Variants in MEF2C observed in about 807,000 individuals in gnomAD.
The protein encoded by MEF2C is myocyte enhancer factor 2C.
A neutral mutation model predicts 50.5 loss-of-function variants in MEF2C; 6 were observed. The observed-to-expected ratio is 0.12, with a 90% confidence interval of 0.07 to 0.23. MEF2C has a LOEUF of 0.23. Ranked by LOEUF, MEF2C falls within the 10% of genes least tolerant of loss-of-function variation. The pLI is 1.00. For synonymous variants in MEF2C, 183 were observed against 228.0 expected (o/e 0.80, Z 1.78); for missense variants, 276 against 605.0 (o/e 0.46, Z 5.70).
Position 88,861,797 on chromosome 5 carries a change from AG to A in MEF2C, c.-143+21157del, listed in dbSNP as rs1186424548. On this transcript the variant is annotated intron_variant, in intron 1 of 10. Coordinates refer to ENST00000504921, the MANE Select transcript of MEF2C (RefSeq NM_002397.5). ...ATTTACTGACTTGCAAATCTCTAAT[AG>A]TATGCTAATTAAATTCAATGCTGTA... Among the ~76,000 whole-genome samples, 8 of 152,354 alleles carry A rather than the reference AG, an allele frequency of 5.3e-5. No individual in the cohort carries two copies. The East Asian group carries it at 1.5e-3, about 29-fold the overall frequency.
At chr5:88,852,687 A>T (rs1469923545) in intron 1 of MEF2C, among the ~76,000 whole-genome samples, 1 of 152,190 alleles carries the variant, frequency 6.6e-6, no homozygotes, top group Admixed American at 6.5e-5. Context: ...CCTGGCCAAC[A>T]TGGTGAAACC....
chr5:88,724,110 A>C (rs949455440), intron 10 of MEF2C, among the ~76,000 whole-genome samples: 10 of 152,188 alleles, frequency 6.6e-5, no homozygotes, highest in Non-Finnish European at 1.3e-4. Context: ...ACTCTCTTTT[A>C]CTGAGGAAGA....
chr5:88,789,789 A>G (rs1449091140), intron 3 of MEF2C, among the ~76,000 whole-genome samples: 1 of 152,172 alleles, frequency 6.6e-6, no homozygotes, highest in Non-Finnish European at 1.5e-5. Context: ...TAATATGCCA[A>G]ATAGCTATAA....
At chr5:88,758,147 C>G (rs1418194225) in intron 4 of MEF2C, among the ~76,000 whole-genome samples, 1 of 152,172 alleles carries the variant, frequency 6.6e-6, no homozygotes, top group African/African-American at 2.4e-5. Flanking sequence ...TGTAAATAAT[C>G]TCAAGCGCTT....
At chr5:88,828,463 G>A (rs1487486855) in intron 1 of MEF2C, among the ~76,000 whole-genome samples, 1 of 151,780 alleles carries the variant, frequency 6.6e-6, no homozygotes, top group Non-Finnish European at 1.5e-5. Flanking sequence ...ACTAACACTA[G>A]TATCCTCAAA....
chr5:88,891,601 G>A (rs530575077), intron 1 of MEF2C, among the ~76,000 whole-genome samples: 7 of 151,746 alleles, frequency 4.6e-5, no homozygotes, highest in South Asian at 2.1e-4. Context: ...TAGTAGAGAC[G>A]GGGTTTCACC....
At chr5:88,731,660 C>T (rs1761699709) in intron 7 of MEF2C, 69 bp downstream of exon 7, 4 of 1,396,436 alleles carry the variant, frequency 2.9e-6, no homozygotes, top group South Asian at 2.4e-5. Flanking sequence ...TCAAGTTAGA[C>T]AAATATAAAA....
chr5:88,880,157 G>A (rs1041089685), intron 1 of MEF2C, among the ~76,000 whole-genome samples: 3 of 151,844 alleles, frequency 2.0e-5, no homozygotes, highest in South Asian at 2.1e-4. Flanking sequence ...TCATTTCATC[G>A]TGTCTAGGCA....
intron 3 of MEF2C, among the ~76,000 whole-genome samples, chr5:88,796,867 T>A (rs1796229820): frequency 6.6e-6 from 1 of 152,374 alleles, no homozygotes; most frequent in South Asian, 2.1e-4. Flanking sequence ...ATTTCTGCCT[T>A]AATTTCATTA....
intron 6 of MEF2C, chr5:88,748,070 C>T: frequency 1.0e-6 from 1 of 984,852 alleles, no homozygotes; most frequent in East Asian, 1.1e-4. Flanking sequence ...ACTTTTTCTT[C>T]ATTATTCAGT....
At chr5:88,855,423 T>G (rs970391184) in intron 1 of MEF2C, among the ~76,000 whole-genome samples, 1 of 152,218 alleles carries the variant, frequency 6.6e-6, no homozygotes, top group African/African-American at 2.4e-5. Flanking sequence ...TCACAGATTA[T>G]TTTTCTGATA....
At chr5:88,774,237 C>A (rs1376427591) in intron 3 of MEF2C, among the ~76,000 whole-genome samples, 1 of 152,198 alleles carries the variant, frequency 6.6e-6, no homozygotes, top group African/African-American at 2.4e-5. Context: ...ACAACTACAT[C>A]ATGCATTAAG....
chr5:88,761,402 C>A, intron 3 of MEF2C, 74 bp from the exon 4 acceptor site: 1 of 1,509,760 alleles, frequency 6.6e-7, no homozygotes, highest in South Asian at 1.3e-5. Flanking sequence ...TAAAGAAGTT[C>A]AAGCTGTCCA....
intron 1 of MEF2C, among the ~76,000 whole-genome samples, chr5:88,835,314 C>G (rs1335084222): frequency 6.6e-6 from 1 of 152,136 alleles, no homozygotes; most frequent in Non-Finnish European, 1.5e-5. Flanking sequence ...GGACCCAACT[C>G]CCAAGTAATC....
At chr5:88,778,558 C>T (rs1275454003) in intron 3 of MEF2C, among the ~76,000 whole-genome samples, 1 of 151,282 alleles carries the variant, frequency 6.6e-6, no homozygotes, top group African/African-American at 2.4e-5. Context: ...ATTGTTTCTC[C>T]CTGGGCAAAG....
At chr5:88,760,974 C>T in intron 4 of MEF2C, 5 of 1,603,498 alleles carry the variant, frequency 3.1e-6, no homozygotes, top group Non-Finnish European at 4.2e-6. Flanking sequence ...CAGCCATCTA[C>T]CTTTGGTACT....
chr5:88,843,038 C>A (rs1284239699), intron 1 of MEF2C, among the ~76,000 whole-genome samples: 1 of 151,980 alleles, frequency 6.6e-6, no homozygotes, highest in Non-Finnish European at 1.5e-5. Flanking sequence ...GTATGACAGA[C>A]AGAGATCATC....
chr5:88,837,388 T>G (rs1235333559), intron 1 of MEF2C, among the ~76,000 whole-genome samples: 1 of 152,152 alleles, frequency 6.6e-6, no homozygotes, highest in Non-Finnish European at 1.5e-5. Flanking sequence ...TATTAATAAA[T>G]TATTTTGCCA....
chr5:88,799,352 G>A (rs1797327672), intron 3 of MEF2C, among the ~76,000 whole-genome samples: 2 of 152,334 alleles, frequency 1.3e-5, no homozygotes, highest in South Asian at 4.1e-4. Flanking sequence ...CCAGAGAGGA[G>A]GAATCTAGAG....
Sources: allele counts gnomAD v4.1 joint callset (sites outside exome capture counted in the v4.1 genomes callset), GRCh38; gene constraint gnomAD v4.1.1; transcripts MANE v1.5; gene names NCBI Gene and HGNC (gene_info 2026-07-23, HGNC 2026-07-21).